The following COMMD9 variants were observed in gnomAD, a reference collection of about 807,000 sequenced individuals.
The protein encoded by COMMD9 is COMM domain containing 9.
COMMD9 carries 22 observed loss-of-function variants against 23.4 expected under a neutral mutation model. That is an observed-to-expected ratio of 0.94 (90% CI 0.67 to 1.34). The LOEUF is 1.34. Among genes scored for constraint, COMMD9 ranks in the 40% most tolerant of loss-of-function variants. The pLI, the probability that COMMD9 is intolerant of heterozygous loss-of-function variation, is 0.00. For missense variants in COMMD9, 231 were observed against 240.2 expected (o/e 0.96, Z 0.25); for synonymous variants, 99 against 97.4 (o/e 1.02, Z -0.10).
chr11:36,276,264 A>G (rs1855971454), intron 4 of COMMD9, 24 bp from the exon 5 acceptor site: 2 of 1,531,256 alleles, frequency 1.3e-6, no homozygotes, highest in Admixed American at 1.7e-5. Flanking sequence ...AGCTCAGCTC[A>G]ATGCTCATGC....
chr11:36,288,267 T>C (rs767395823), intron 1 of COMMD9, among the ~76,000 whole-genome samples: 3 of 146,464 alleles, frequency 2.0e-5, no homozygotes, highest in Non-Finnish European at 4.5e-5. Context: ...AAAAAATAAA[T>C]AAGTAAAACA....
At chr11:36,275,389 C>T (rs1855952381) in intron 5 of COMMD9, among the ~76,000 whole-genome samples, 1 of 150,174 alleles carries the variant, frequency 6.7e-6, no homozygotes, top group Non-Finnish European at 1.5e-5. Flanking sequence ...ACCAATGAAG[C>T]AAAGGTATGT....
At chr11:36,282,152 C>A (rs374652095) in intron 1 of COMMD9, among the ~76,000 whole-genome samples, 1 of 151,972 alleles carries the variant, frequency 6.6e-6, no homozygotes, top group Non-Finnish European at 1.5e-5. Context: ...CAGGGACATG[C>A]GGGACTATAA....
At chr11:36,279,594 C>A (rs1452957351) in intron 2 of COMMD9, among the ~76,000 whole-genome samples, 1 of 152,190 alleles carries the variant, frequency 6.6e-6, no homozygotes, top group Non-Finnish European at 1.5e-5. Flanking sequence ...CTTACAGGAT[C>A]CCAAGTTTTC....
At chr11:36,288,731 C>T (rs1428760874) in intron 1 of COMMD9, among the ~76,000 whole-genome samples, 4 of 151,988 alleles carry the variant, frequency 2.6e-5, no homozygotes, top group African/African-American at 7.3e-5. Context: ...ACTCGGGGGG[C>T]GGAGGTTGCA....
chr11:36,278,913 A>C (rs1856020496), intron 2 of COMMD9, among the ~76,000 whole-genome samples: 1 of 152,218 alleles, frequency 6.6e-6, no homozygotes, highest in African/African-American at 2.4e-5. Context: ...TTCCTTCTGC[A>C]TGAGAATCTG....
At chr11:36,276,829 A>G in intron 4 of COMMD9, 1 of 330,558 alleles carries the variant, frequency 3.0e-6, no homozygotes, top group East Asian at 4.8e-5. Flanking sequence ...TTTTTTCACA[A>G]TTGAAATACC....
intron 4 of COMMD9, 36 bp from the exon 5 acceptor site, chr11:36,276,276 G>A (rs756979099): frequency 5.0e-5 from 73 of 1,455,442 alleles, no homozygotes; most frequent in East Asian, 2.3e-5. Context: ...TGCTCATGCC[G>A]CCCGTGTTTA....
intron 1 of COMMD9, among the ~76,000 whole-genome samples, chr11:36,283,058 T>G (rs1590403874): frequency 6.6e-6 from 1 of 152,018 alleles, no homozygotes; most frequent in African/African-American, 2.4e-5. Context: ...AGAAAGGGAA[T>G]CCCCCATCTT....
chr11:36,286,181 G>A (rs947409403), intron 1 of COMMD9, among the ~76,000 whole-genome samples: 1 of 152,046 alleles, frequency 6.6e-6, no homozygotes, highest in Non-Finnish European at 1.5e-5. Flanking sequence ...AGTTTAGCAA[G>A]TTTGCATGTA....
At chr11:36,276,946 A>G (rs1855981852) in intron 4 of COMMD9, 143 bp downstream of exon 4, 1 of 517,064 alleles carries the variant, frequency 1.9e-6, no homozygotes, top group Non-Finnish European at 3.2e-6. Flanking sequence ...AGAATTAGGG[A>G]AAAAACCCAC....
At position 36,274,646 on chromosome 11, in the gene COMMD9, C is replaced by A; in HGVS notation, c.583G>T (p.Val195Leu). The A allele has an allele frequency of 1.2e-6, 2 of 1,614,230 alleles. No individual in the cohort carries two copies. Among genetic ancestry groups the A allele is most frequent in the Non-Finnish European group, 1.7e-6 (2 of 1,180,038 alleles). Residue 195 changes from valine to leucine, a missense_variant, in exon 6 of 6, where the codon GTG (valine) becomes TTG (leucine). Val to Leu is a conservative substitution (Grantham distance 32, BLOSUM62 1). Transcript: ENST00000263401. ...LGRIRDQLSA[V>L]ASK ...AGCTGGCTGGATCATTTACTGGCCACGGCAGAGAGTTGGTCTCGGATGCGG... is the reference window on the plus strand; with the variant it reads ...AGCTGGCTGGATCATTTACTGGCCAAGGCAGAGAGTTGGTCTCGGATGCGG...
Position 36,278,601 on chromosome 11 carries a change from G to A in COMMD9, c.193C>T (p.His65Tyr). ...AATGCCACCAGCCTAGTGAGGCGGT[G>A]CAGAGCCTGGAGCAGCTGCAAGATA... The part of the protein sequence containing the change: ...EEAEELLQAL[H>Y]RLTRLVAFRD... The change falls in exon 3 of 6, where the codon CAC (histidine) becomes TAC (tyrosine). Residue 65 changes from histidine to tyrosine, a missense_variant. Coordinates refer to ENST00000263401, the MANE Select transcript of COMMD9 (RefSeq NM_014186.4). 4 of 1,613,944 alleles carry A rather than the reference G, an allele frequency of 2.5e-6. No individual in the cohort carries two copies. The highest frequency in any genetic ancestry group is 3.4e-6 in the Non-Finnish European group (4 of 1,179,956).
chr11:36,283,391 G>A (rs1217253660), intron 1 of COMMD9, among the ~76,000 whole-genome samples: 2 of 152,136 alleles, frequency 1.3e-5, no homozygotes, highest in Non-Finnish European at 1.5e-5. Flanking sequence ...GGCTCTAAAC[G>A]TATATAGAGG....
At position 36,280,588 on chromosome 11, in the gene COMMD9, A is replaced by G. The variant is rs143719825; in HGVS notation, c.177+124T>C. 1.5e-4 allele frequency: 146 copies of G among 951,100 alleles called. No individual in the cohort carries two copies. The African/African-American group carries it at 2.2e-3, about 14-fold the overall frequency. 58.9% of individuals were successfully genotyped at this position (951,100 alleles called of 1,614,324 possible). A position where few individuals can be genotyped will look rare whatever the true frequency, so the allele number is the denominator to read the frequency against. On this transcript the variant is annotated intron_variant, in intron 2 of 5. Coordinates refer to ENST00000263401, the MANE Select transcript of COMMD9 (RefSeq NM_014186.4). ...TTCTCCCATTCATGTCCCATTTATA[A>G]AAGTTTGCTACAGTGTCAACAGATG...
chr11:36,277,954 C>T (rs914513037), intron 3 of COMMD9, among the ~76,000 whole-genome samples: 6 of 152,156 alleles, frequency 3.9e-5, no homozygotes, highest in African/African-American at 1.2e-4. Context: ...AGGCCAAACC[C>T]TCAAAATGTC....
At chr11:36,285,364 T>A (rs1856133976) in intron 1 of COMMD9, among the ~76,000 whole-genome samples, 1 of 152,124 alleles carries the variant, frequency 6.6e-6, no homozygotes, top group South Asian at 2.1e-4. Context: ...AATTCACAAT[T>A]TTAAGGCTCC....
intron 2 of COMMD9, among the ~76,000 whole-genome samples, chr11:36,280,298 G>A (rs3812765): frequency 0.035 from 5,360 of 152,256 alleles, 266 homozygotes; most frequent in East Asian, 0.17. Flanking sequence ...GGGACAGAGG[G>A]GTGAGGAGGG....
At chr11:36,283,234 C>T (rs937477023) in intron 1 of COMMD9, among the ~76,000 whole-genome samples, 5 of 152,208 alleles carry the variant, frequency 3.3e-5, no homozygotes, top group African/African-American at 1.2e-4. Context: ...ATCCCTCAAT[C>T]AAGTCAACAC....
Sources: allele counts gnomAD v4.1 joint callset (sites outside exome capture counted in the v4.1 genomes callset), GRCh38; gene constraint gnomAD v4.1.1; transcripts MANE v1.5; gene names NCBI Gene and HGNC (gene_info 2026-07-23, HGNC 2026-07-21).